The following PKHD1L1 variants were observed in gnomAD, a reference collection of about 807,000 sequenced individuals.
PKHD1L1 encodes fibrocystin-L.
In PKHD1L1, 434 loss-of-function variants were observed where a neutral mutation model predicts 462.9. The observed-to-expected ratio is 0.94, with a 90% CI of 0.87 to 1.02. The LOEUF (loss-of-function observed/expected upper bound fraction) is 1.02, where lower values mean the gene tolerates loss of function less well. Among genes scored for constraint, PKHD1L1 ranks in the 50% least tolerant of loss-of-function variants. The pLI is 0.00. For synonymous variants in PKHD1L1, 1,781 were observed against 1,750.0 expected (o/e 1.02, Z -0.44); for missense variants, 5,202 against 5,096.1 (o/e 1.02, Z -0.63).
At chr8:109,487,839 C>A (rs1818611275) in intron 59 of PKHD1L1, among the ~76,000 whole-genome samples, 1 of 140,334 alleles carries the variant, frequency 7.1e-6, no homozygotes, top group South Asian at 2.3e-4. Context: ...TATAGTGAGA[C>A]CCAGCCAAAA....
rs1488032244 is a variant in PKHD1L1, at chr8:109,483,088, G to A, written c.9559G>A (p.Asp3187Asn). Reference protein sequence around the residue: ...FAGSKVLSLMDAVDWQEGEEI... With the variant: ...FAGSKVLSLMNAVDWQEGEEI... ...AGGTTCCAAAGTCCTGTCTCTGATG[G>A]ATGCTGTGGATTGGCAGGTAGACAA... The change falls in exon 57 of 78, where the codon GAT (aspartate) becomes AAT (asparagine). Residue 3187 changes from aspartate to asparagine, a missense_variant. Transcript: ENST00000378402. 3.2e-6 allele frequency: 5 copies of A among 1,585,224 alleles called. No individual in the cohort carries two copies. Among genetic ancestry groups the A allele is most frequent in the African/African-American group, 2.7e-5 (2 of 72,930 alleles).
intron 61 of PKHD1L1, among the ~76,000 whole-genome samples, 157 bp downstream of exon 61, chr8:109,491,258 A>G (rs1818811183): frequency 6.6e-6 from 1 of 151,920 alleles, no homozygotes; most frequent in African/African-American, 2.4e-5. Context: ...ATATGTGTCT[A>G]TTGAGCACTT....
At chr8:109,457,601 T>TA (rs1414909084) in intron 46 of PKHD1L1, among the ~76,000 whole-genome samples, 7 of 152,148 alleles carry the variant, frequency 4.6e-5, no homozygotes, top group Non-Finnish European at 8.8e-5. Context: ...CAATACCACT[T>TA]ACTAGTTCTG....
At chr8:109,456,817 G>A (rs1037280906) in intron 46 of PKHD1L1, among the ~76,000 whole-genome samples, 1 of 152,144 alleles carries the variant, frequency 6.6e-6, no homozygotes, top group Non-Finnish European at 1.5e-5. Context: ...ATGTTTGAAA[G>A]CAGCTAGTGA....
At chr8:109,448,678 A>AT (rs367739308) in intron 39 of PKHD1L1, among the ~76,000 whole-genome samples, 18,217 of 150,758 alleles carry the variant, frequency 0.12, 1,284 homozygotes, top group Non-Finnish European at 0.16. Context: ...TGCCTGGCTA[A>AT]TTTTTTTTTG....
At chr8:109,438,740 C>G (rs939742954) in intron 31 of PKHD1L1, among the ~76,000 whole-genome samples, 157 bp from the exon 32 acceptor site, 1 of 151,828 alleles carries the variant, frequency 6.6e-6, no homozygotes, top group Non-Finnish European at 1.5e-5. Context: ...GTGGCTGTTA[C>G]CAACTCTTTC....
At position 109,534,226 on chromosome 8, in the gene PKHD1L1, G is replaced by A. The variant is rs770963653; in HGVS notation, c.*4136G>A. On this transcript the variant is annotated 3_prime_UTR_variant, in exon 78 of 78. Coordinates refer to ENST00000378402, the MANE Select transcript of PKHD1L1 (RefSeq NM_177531.6). ...GCCTGTAATCCCAGCACTCTGGGAGGCCAAGGCAGGCGGATCACGAGGTCA... is the reference window on the plus strand; with the variant it reads ...GCCTGTAATCCCAGCACTCTGGGAGACCAAGGCAGGCGGATCACGAGGTCA... Among the ~76,000 whole-genome samples the A allele has an allele frequency of 6.6e-6, 1 of 152,236 alleles. No individual in the cohort carries two copies. Among genetic ancestry groups the A allele is most frequent in the African/African-American group, 2.4e-5 (1 of 41,464 alleles).
chr8:109,402,880 G>A (rs1813344837), intron 14 of PKHD1L1, among the ~76,000 whole-genome samples: 1 of 152,136 alleles, frequency 6.6e-6, no homozygotes. Context: ...TAGTAATACT[G>A]ACATGGGGAA....
rs1003509497 is a variant in PKHD1L1 at position 109,435,346 on chromosome 8, G to A, written c.3497G>A (p.Ser1166Asn). 5.6e-6 allele frequency: 9 copies of A among 1,611,560 alleles called. No individual in the cohort carries two copies. The highest frequency in any genetic ancestry group is 3.3e-4 in the Middle Eastern group (2 of 6,034). Reference protein sequence around the residue: ...QISHIWPDSGSIAGGTLLTLS... With the variant: ...QISHIWPDSGNIAGGTLLTLS... ...TCACATATCTGGCCTGATTCTGGAA[G>A]CATAGCAGGTAATGGTTAATAGTTT... The change falls in exon 29 of 78, where the codon AGC becomes AAC. Residue 1166 changes from serine (S) to asparagine (N), a missense_variant. Physicochemically the swap from Ser to Asn is conservative, Grantham distance 46. Transcript: ENST00000378402.
At chr8:109,468,216 A>G (rs1817548850) in intron 50 of PKHD1L1, among the ~76,000 whole-genome samples, 1 of 152,180 alleles carries the variant, frequency 6.6e-6, no homozygotes, top group Non-Finnish European at 1.5e-5. Context: ...TTTTGTTATT[A>G]CACTCCATGT....
chr8:109,489,354 T>G (rs113505996), intron 59 of PKHD1L1, among the ~76,000 whole-genome samples: 1 of 152,100 alleles, frequency 6.6e-6, no homozygotes, highest in Admixed American at 6.6e-5. Flanking sequence ...TTGCCTGTTA[T>G]GCATTTAGTA....
chr8:109,375,044 G>T (rs1811738926), intron 2 of PKHD1L1, among the ~76,000 whole-genome samples: 1 of 152,084 alleles, frequency 6.6e-6, no homozygotes, highest in Non-Finnish European at 1.5e-5. Flanking sequence ...CTGAATGTTG[G>T]CCTGCCTTGC....
intron 44 of PKHD1L1, among the ~76,000 whole-genome samples, 164 bp from the exon 45 acceptor site, chr8:109,454,559 C>T (rs954423596): frequency 3.9e-5 from 6 of 152,088 alleles, no homozygotes; most frequent in Admixed American, 3.9e-4. Flanking sequence ...ATTTATTTGG[C>T]TGACTAGAAA....
At chr8:109,523,592 T>C (rs558976254) in intron 76 of PKHD1L1, among the ~76,000 whole-genome samples, 1 of 152,266 alleles carries the variant, frequency 6.6e-6, no homozygotes, top group African/African-American at 2.4e-5. Context: ...AAATAAAAAA[T>C]TAAGGAAATC....
rs780717141 is a variant in PKHD1L1 at position 109,464,354 on chromosome 8, A to T, written c.7522A>T (p.Thr2508Ser). 1 of 1,613,416 alleles carries T rather than the reference A, an allele frequency of 6.2e-7. No homozygotes were observed. Among genetic ancestry groups the T allele is most frequent in the Non-Finnish European group, 8.5e-7 (1 of 1,179,588 alleles). Residue 2508 changes from threonine (T) to serine (S), a missense_variant, in exon 49 of 78, where the codon ACA (threonine) becomes TCA (serine). Transcript: ENST00000378402. Reference sequence around the variant, plus strand: ...TAACAGAGCTGTTACTATTCATAACACACACCATCTTCTGGTTGAGAGGAA... The same window carrying T: ...TAACAGAGCTGTTACTATTCATAACTCACACCATCTTCTGGTTGAGAGGAA... ...AYNRAVTIHN[T>S]HHLLVERNII... is the part of the protein sequence containing the mutation.
intron 33 of PKHD1L1, 59 bp from the exon 34 acceptor site, chr8:109,441,216 A>C (rs996230179): frequency 1.7e-6 from 2 of 1,143,686 alleles, no homozygotes; most frequent in Non-Finnish European, 2.4e-6. Context: ...TATAATTCAC[A>C]AAAAAAAATT....
In PKHD1L1 at chr8:109,429,392, TA is replaced by T; in HGVS notation, c.3056del (p.Lys1019ArgfsTer50). The T allele has an allele frequency of 6.3e-7, 1 of 1,582,688 alleles. No homozygotes were observed. ...GEKANMTVTR[I>X]KEGGLFRQHV... The stretch of plus-strand genomic sequence containing the variant: ...AAGGCTAATATGACAGTTACAAGGA[TA>T]AAGGAAGGTGGCTTATTCAGACAAC... On this transcript the variant is annotated frameshift_variant, in exon 26 of 78. Transcript: ENST00000378402. LOFTEE classifies it high-confidence loss of function.
chr8:109,526,206 A>G (rs1282982752), intron 76 of PKHD1L1, among the ~76,000 whole-genome samples: 3 of 152,232 alleles, frequency 2.0e-5, no homozygotes, highest in African/African-American at 7.2e-5. Context: ...TGGAATAAGG[A>G]AAAAGGGTCA....
rs777915584 is a variant in PKHD1L1, at chr8:109,522,744, G to A, written c.12184G>A (p.Val4062Met). The change falls in exon 75 of 78, where the codon GTG becomes ATG. Residue 4062 changes from valine to methionine, a missense_variant and splice_region_variant. Physicochemically the swap from Val to Met is conservative, Grantham distance 21 (BLOSUM62 1). Around this residue, in one of 3 missense-constraint regions of PKHD1L1, gnomAD observed 698 missense variants for 736.3 expected, o/e 0.95. Coordinates refer to ENST00000378402, the MANE Select transcript of PKHD1L1 (RefSeq NM_177531.6). ...CAGTTCATCCCTTGTGCATTCACAG[G>A]TGACTGCCCAGCCAGTTGAAAGGTC... ...PSPSDSGWIKVTAQPVERSAF... is the reference protein window; with the variant it reads ...PSPSDSGWIKMTAQPVERSAF... The A allele has an allele frequency of 3.7e-6, 6 of 1,606,698 alleles. No individual in the cohort carries two copies. In the African/African-American group the frequency reaches 5.4e-5, roughly 14 times the overall value.
Sources: gnomAD v4.1 joint callset for allele counts (sites outside exome capture counted in the v4.1 genomes callset) on GRCh38, gnomAD v4.1.1 for gene constraint, gnomAD v4.1.1 regional missense constraint, MANE v1.5 for transcripts, NCBI Gene and HGNC (gene_info 2026-07-23, HGNC 2026-07-21) for gene names.